The following FKBP1A variants were observed in gnomAD, a reference collection of about 807,000 sequenced individuals.
The protein encoded by FKBP1A is FKBP prolyl isomerase 1A.
Under a neutral mutation model 14.2 loss-of-function variants are expected in FKBP1A, and 5 were observed. That is an observed-to-expected ratio of 0.35 (90% CI 0.18 to 0.74). The LOEUF is 0.74. Ranked by LOEUF, FKBP1A falls within the 30% of genes least tolerant of loss-of-function variation. The probability of loss-of-function intolerance (pLI) is 0.56; values close to 1 mark genes in which losing one functional copy is unlikely to be tolerated. For missense variants in FKBP1A, 53 were observed against 138.8 expected, an observed-to-expected ratio of 0.38 and a Z score of 3.10; for synonymous variants, 42 against 49.1, an observed-to-expected ratio of 0.86 and a Z score of 0.60.
At position 1,386,591 on chromosome 20, in the gene FKBP1A, T is replaced by C. The variant is rs2089671572; in HGVS notation, c.85+6243A>G. On this transcript the variant is annotated intron_variant, in intron 2 of 4. Transcript: ENST00000400137. This position sits in a 1 kb window ranked among gnomAD's most constrained non-coding sequence, Gnocchi z 4.7. ...AGAATTAGAAGCATGCATGTATGCATCCAAAGTGTTACTTAAGCTGTGCTA... is the reference window on the plus strand; with the variant it reads ...AGAATTAGAAGCATGCATGTATGCACCCAAAGTGTTACTTAAGCTGTGCTA... Among the ~76,000 whole-genome samples, 1 of 152,156 alleles carries C rather than the reference T, an allele frequency of 6.6e-6. No individual in the cohort carries two copies. The highest frequency in any genetic ancestry group is 2.4e-5 in the African/African-American group (1 of 41,420).
chr20:1,382,134 G>A (rs1321602175), intron 2 of FKBP1A, among the ~76,000 whole-genome samples: 1 of 152,176 alleles, frequency 6.6e-6, no homozygotes, highest in Non-Finnish European at 1.5e-5. Context: ...TCTCTTTGGG[G>A]AGGGAACAGG....
chr20:1,390,691 C>T (rs62186862), intron 2 of FKBP1A, among the ~76,000 whole-genome samples: 12,138 of 152,152 alleles, frequency 0.08, 579 homozygotes, highest in Middle Eastern at 0.15. Context: ...TGCCTACCCA[C>T]TCCTCTCACG....
At position 1,371,619 on chromosome 20, in the gene FKBP1A, A is replaced by G. The variant is rs932706905; in HGVS notation, c.*36+457T>C. The G allele has an allele frequency of 8.3e-6, 6 of 718,790 alleles. No individual in the cohort carries two copies. In the African/African-American group the frequency reaches 1.2e-4, roughly 14 times the overall value. 44.5% of individuals were successfully genotyped at this position (718,790 alleles called of 1,614,324 possible). ...CTAATAGGCAGTAACCACAAACCACAGTGAAGAGAGAGCCGCAGAAGCTAG... is the reference window on the plus strand; with the variant it reads ...CTAATAGGCAGTAACCACAAACCACGGTGAAGAGAGAGCCGCAGAAGCTAG... On this transcript the variant is annotated intron_variant, in intron 4 of 4. Transcript: ENST00000400137.
chr20:1,377,680 G>A (rs2089565470), intron 2 of FKBP1A: 1 of 152,300 alleles, frequency 6.6e-6, no homozygotes, highest in South Asian at 2.1e-4. Context: ...TCAGAGGTAA[G>A]GGTGAGAGCA....
At chr20:1,391,608 C>T (rs1452143835) in intron 2 of FKBP1A, 1 of 398,372 alleles carries the variant, frequency 2.5e-6, no homozygotes, top group Admixed American at 4.4e-5. Context: ...GTTGCCTTTT[C>T]CTCTTTCCAG....
At chr20:1,376,608 C>T (rs995575647) in intron 2 of FKBP1A, among the ~76,000 whole-genome samples, 3 of 152,094 alleles carry the variant, frequency 2.0e-5, no homozygotes, top group Non-Finnish European at 4.4e-5. Flanking sequence ...CACACATGAA[C>T]GAATGCAATT....
Position 1,379,672 on chromosome 20 carries a change from G to A in FKBP1A, c.86-4069C>T, listed in dbSNP as rs546697947. ...GTCAATCTCATCTACTTTCTAAGGA[G>A]AAATCTTCGCAGGGCAGGGTTGGGT... On this transcript the variant is annotated intron_variant, in intron 2 of 4. Transcript: ENST00000400137. The surrounding 1 kb of genome is among the most constrained non-coding windows in gnomAD (Gnocchi z 4.3). 6.0e-4 allele frequency among the ~76,000 whole-genome samples: 91 copies of A among 152,360 alleles called. 1 individual carries two copies. The South Asian group carries it at 6.0e-3, about 10-fold the overall frequency.
At chr20:1,374,691 TG>T (rs1203979941) in intron 3 of FKBP1A, 1 of 152,220 alleles carries the variant, frequency 6.6e-6, no homozygotes, top group African/African-American at 2.4e-5. Context: ...AAATGAAGTC[TG>T]TACAAGGTGA....
chr20:1,385,773 C>T (rs559568710), intron 2 of FKBP1A, among the ~76,000 whole-genome samples: 3 of 152,348 alleles, frequency 2.0e-5, no homozygotes, highest in Admixed American at 1.3e-4. Flanking sequence ...TACATACACA[C>T]CAGGGATACC....
intron 2 of FKBP1A, among the ~76,000 whole-genome samples, chr20:1,388,581 C>T (rs2089694741): frequency 6.6e-6 from 1 of 152,212 alleles, no homozygotes; most frequent in Non-Finnish European, 1.5e-5. Context: ...AAGATCAGAA[C>T]ACAGCGAAGA....
At chr20:1,373,560 G>A (rs1195901792) in intron 3 of FKBP1A, among the ~76,000 whole-genome samples, 2 of 152,144 alleles carry the variant, frequency 1.3e-5, no homozygotes, top group African/African-American at 4.8e-5. Flanking sequence ...ATTTTATGTA[G>A]ATCTCAAACT....
rs1235284230 is a variant in FKBP1A at position 1,393,024 on chromosome 20, G to C, written c.-26C>G. The C allele has an allele frequency of 4.2e-6, 6 of 1,443,374 alleles. No individual in the cohort carries two copies. The highest frequency in any genetic ancestry group is 5.5e-6 in the Non-Finnish European group (6 of 1,096,644). The allele number at this position is 1,443,374 out of a possible 1,614,324, so 89.4% of individuals were successfully genotyped here. A position where few individuals can be genotyped will look rare whatever the true frequency, so the allele number is the denominator to read the frequency against. On this transcript the variant is annotated 5_prime_UTR_variant, in exon 1 of 5. Transcript: ENST00000400137. The stretch of plus-strand genomic sequence containing the variant: ...GGCGGCGGCGGACGCTGAGCGGGCG[G>C]GCGGCGCGACGGGCGGCGTGGACCA...
intron 4 of FKBP1A, 72 bp from the exon 5 acceptor site, chr20:1,370,144 T>C: frequency 6.6e-7 from 1 of 1,523,162 alleles, no homozygotes; most frequent in African/African-American, 1.4e-5. Flanking sequence ...ACAGCCACGA[T>C]GCCATCTGCC....
At chr20:1,376,751 C>T (rs188010840) in intron 2 of FKBP1A, 2 of 150,996 alleles carry the variant, frequency 1.3e-5, no homozygotes, top group African/African-American at 5.0e-5. Context: ...AGTAAAACTA[C>T]GTTATAAATT....
rs1480078475 is a variant in FKBP1A at position 1,391,445 on chromosome 20, A to G, written c.85+1389T>C. ...GCACTTTCCAGCTTCCTTCACGGAC[A>G]TGAGACTGCCTGCTCCCCAGAAAGA... is the stretch of plus-strand genomic sequence containing the variant. On this transcript the variant is annotated intron_variant, in intron 2 of 4. Transcript: ENST00000400137. Among the ~76,000 whole-genome samples, 3 of 152,188 alleles carry G rather than the reference A, an allele frequency of 2.0e-5. No individual in the cohort carries two copies. The East Asian group carries it at 5.8e-4, about 29-fold the overall frequency.
At chr20:1,370,328 G>A (rs2089446770) in intron 4 of FKBP1A, 3 of 985,342 alleles carry the variant, frequency 3.0e-6, no homozygotes, top group South Asian at 4.7e-5. Flanking sequence ...AGGACAGCAG[G>A]AGGGCTAGCC....
intron 2 of FKBP1A, among the ~76,000 whole-genome samples, chr20:1,388,561 T>G (rs1245085254): frequency 6.6e-6 from 1 of 152,214 alleles, no homozygotes; most frequent in Non-Finnish European, 1.5e-5. Flanking sequence ...GCCCGTTGTA[T>G]GGCAGGGTCA....
chr20:1,385,084 GA>G (rs545537259), intron 2 of FKBP1A, among the ~76,000 whole-genome samples: 225 of 152,220 alleles, frequency 1.5e-3, no homozygotes, highest in Non-Finnish European at 2.8e-3. Context: ...ATCGCATGGG[GA>G]GGGGGAGAAA....
intron 2 of FKBP1A, among the ~76,000 whole-genome samples, chr20:1,381,851 A>G (rs145453260): frequency 2.3e-3 from 344 of 152,316 alleles, no homozygotes; most frequent in Middle Eastern, 3.4e-3. Context: ...CATTTATATA[A>G]AACTTTAGAA....
Sources: gnomAD v4.1 joint callset for allele counts (sites outside exome capture counted in the v4.1 genomes callset) on GRCh38, gnomAD v4.1.1 for gene constraint, Gnocchi (gnomAD v3.1) non-coding constraint, MANE v1.5 for transcripts, NCBI Gene and HGNC (gene_info 2026-07-23, HGNC 2026-07-21) for gene names.